Variants in PTPRK observed in about 807,000 individuals in gnomAD.
PTPRK encodes the protein protein tyrosine phosphatase receptor type K.
A neutral mutation model predicts 178.0 loss-of-function variants in PTPRK; 75 were observed. The observed-to-expected ratio is 0.42, with a 90% CI of 0.35 to 0.51. The LOEUF is 0.51. PTPRK is among the 20% of genes least tolerant of loss of function. PTPRK has a pLI of 0.02. For synonymous variants in PTPRK, 637 were observed against 620.6 expected (o/e 1.03, Z -0.39); for missense variants, 1,441 against 1,797.8 (o/e 0.80, Z 3.59).
At chr6:128,078,706 C>A (rs1370797251) in intron 11 of PTPRK, 107 bp downstream of exon 11, 2 of 603,130 alleles carry the variant, frequency 3.3e-6, no homozygotes, top group East Asian at 2.7e-5. Flanking sequence ...AAACATAGTA[C>A]AGTCTGTATA....
chr6:128,050,558 C>A (rs187850123), intron 13 of PTPRK, among the ~76,000 whole-genome samples: 58 of 152,226 alleles, frequency 3.8e-4, no homozygotes, highest in African/African-American at 1.2e-3. Flanking sequence ...TAATATGTAA[C>A]CACATGACTA....
chr6:128,287,970 C>T (rs1822778844), intron 3 of PTPRK, among the ~76,000 whole-genome samples: 1 of 152,086 alleles, frequency 6.6e-6, no homozygotes, highest in Admixed American at 6.6e-5. Context: ...TTTCTACTCC[C>T]TACCTACTTT....
chr6:127,976,444 A>G (rs931683783), intron 27 of PTPRK, among the ~76,000 whole-genome samples: 1 of 152,236 alleles, frequency 6.6e-6, no homozygotes, highest in African/African-American at 2.4e-5. Flanking sequence ...AGAATATGCT[A>G]GTCTAGTGAC....
At chr6:128,189,364 C>G (rs1054185470) in intron 6 of PTPRK, among the ~76,000 whole-genome samples, 3 of 150,002 alleles carry the variant, frequency 2.0e-5, no homozygotes, top group Non-Finnish European at 4.4e-5. Flanking sequence ...CTCAGCCTCC[C>G]AAATAGCCGG....
intron 7 of PTPRK, among the ~76,000 whole-genome samples, chr6:128,176,845 A>G (rs1288594397): frequency 6.6e-6 from 1 of 151,650 alleles, no homozygotes; most frequent in African/African-American, 2.4e-5. Flanking sequence ...ATTCATCCAT[A>G]TATCATTTTT....
intron 13 of PTPRK, among the ~76,000 whole-genome samples, chr6:128,034,946 A>C (rs1456100246): frequency 6.6e-6 from 1 of 152,244 alleles, no homozygotes; most frequent in African/African-American, 2.4e-5. Context: ...GAGAAAGATA[A>C]AAGTGAAACA....
intron 2 of PTPRK, among the ~76,000 whole-genome samples, chr6:128,369,577 AATTAT>A (rs1835986004): frequency 6.6e-6 from 1 of 152,120 alleles, no homozygotes; most frequent in Non-Finnish European, 1.5e-5. Context: ...ATGTTCAAAG[AATTAT>A]ATTTAGTAGG....
At chr6:128,352,645 T>C (rs1318985486) in intron 2 of PTPRK, among the ~76,000 whole-genome samples, 3 of 152,170 alleles carry the variant, frequency 2.0e-5, no homozygotes, top group African/African-American at 7.2e-5. Flanking sequence ...TCCCTCTGCA[T>C]GGAGGACCAC....
intron 13 of PTPRK, among the ~76,000 whole-genome samples, chr6:128,064,147 CTAAA>C (rs1781350416): frequency 6.6e-6 from 1 of 152,158 alleles, no homozygotes; most frequent in South Asian, 2.1e-4. Context: ...ACTTGGAACT[CTAAA>C]TATTCATTCA....
rs986180279 is a variant in PTPRK at position 128,067,432 on chromosome 6, T to C, written c.2157+87A>G. ...CAAATTTTCTTTTTCTTTTTTTTTTTCTTGACGGATGCTACTGAGTATTCA... is the reference window on the plus strand; with the variant it reads ...CAAATTTTCTTTTTCTTTTTTTTTTCCTTGACGGATGCTACTGAGTATTCA... On this transcript the variant is annotated intron_variant, in intron 12 of 29. Coordinates refer to ENST00000368226, the MANE Select transcript of PTPRK (RefSeq NM_002844.4). 1.3e-5 allele frequency: 18 copies of C among 1,334,892 alleles called. 1 individual carries two copies. In the African/African-American group the frequency reaches 2.5e-4, roughly 19 times the overall value. 82.7% of individuals were successfully genotyped at this position (1,334,892 alleles called of 1,614,324 possible). A position where few individuals can be genotyped will look rare whatever the true frequency, so the allele number is the denominator to read the frequency against.
At chr6:128,132,318 G>A (rs1794370899) in intron 7 of PTPRK, among the ~76,000 whole-genome samples, 1 of 152,168 alleles carries the variant, frequency 6.6e-6, no homozygotes, top group Non-Finnish European at 1.5e-5. Context: ...GGGACTACAG[G>A]CACCCGCCAC....
At chr6:127,991,695 T>C (rs539719947) in intron 19 of PTPRK, among the ~76,000 whole-genome samples, 2 of 151,282 alleles carry the variant, frequency 1.3e-5, no homozygotes, top group African/African-American at 4.8e-5. Flanking sequence ...CATCTTCAAA[T>C]ATGTGTAAAA....
intron 1 of PTPRK, among the ~76,000 whole-genome samples, chr6:128,514,965 GA>G (rs1857735472): frequency 6.6e-6 from 1 of 152,216 alleles, no homozygotes; most frequent in African/African-American, 2.4e-5. Flanking sequence ...GAATCTTCAT[GA>G]AACTTTAAAA....
chr6:128,139,455 T>G (rs1187329369), intron 7 of PTPRK, among the ~76,000 whole-genome samples: 2 of 152,050 alleles, frequency 1.3e-5, no homozygotes, highest in African/African-American at 4.8e-5. Flanking sequence ...TCCTCTCTTC[T>G]TTTTGCTTAA....
At chr6:128,316,964 C>A (rs1361774079) in intron 3 of PTPRK, among the ~76,000 whole-genome samples, 1 of 152,044 alleles carries the variant, frequency 6.6e-6, no homozygotes, top group African/African-American at 2.4e-5. Flanking sequence ...ACTCTGTTTG[C>A]AACAAAGAGA....
In PTPRK at chr6:128,005,102, G is replaced by A. The variant is rs754914695; in HGVS notation, c.2476C>T (p.His826Tyr). The change falls in exon 15 of 30, where the codon CAT becomes TAT. Residue 826 changes from histidine to tyrosine, a missense_variant. Transcript: ENST00000368226. ...AACTTACATCTTGGACTAAAGTTAT[G>A]TTGGTCCATGAAGGTGATGGAAAGA... ...DPLSITFMDQ[H>Y]NFSPRYENHS... The A allele has an allele frequency of 1.9e-6, 3 of 1,608,776 alleles. No homozygotes were observed. The highest frequency in any genetic ancestry group is 1.1e-5 in the South Asian group (1 of 90,540).
intron 1 of PTPRK, among the ~76,000 whole-genome samples, chr6:128,494,338 A>T (rs541372635): frequency 6.6e-6 from 1 of 152,210 alleles, no homozygotes; most frequent in Non-Finnish European, 1.5e-5. Context: ...AGTAGATTTT[A>T]AATTTAAAAG....
intron 3 of PTPRK, among the ~76,000 whole-genome samples, chr6:128,243,965 G>T (rs1294737562): frequency 2.0e-5 from 3 of 152,114 alleles, no homozygotes; most frequent in Non-Finnish European, 4.4e-5. Context: ...GAAGTAGTGG[G>T]AATGGTGAGA....
At chr6:128,224,343 C>T (rs780526867) in intron 5 of PTPRK, among the ~76,000 whole-genome samples, 2 of 152,194 alleles carry the variant, frequency 1.3e-5, no homozygotes, top group Non-Finnish European at 2.9e-5. Flanking sequence ...TGTTATCACT[C>T]CTCTCCTCTA....
Sources: gnomAD v4.1 joint callset for allele counts (sites outside exome capture counted in the v4.1 genomes callset) on GRCh38, gnomAD v4.1.1 for gene constraint, MANE v1.5 for transcripts, NCBI Gene and HGNC (gene_info 2026-07-23, HGNC 2026-07-21) for gene names.